The following EPB41L4A variants were observed in gnomAD, a reference collection of about 807,000 sequenced individuals.
The protein encoded by EPB41L4A is erythrocyte membrane protein band 4.1 like 4A.
EPB41L4A carries 100 observed loss-of-function variants against 108.6 expected under a neutral mutation model. The ratio of observed to expected loss-of-function variants is 0.92; its 90% CI spans 0.78 to 1.09. The LOEUF (loss-of-function observed/expected upper bound fraction) is 1.09, where lower values mean the gene tolerates loss of function less well. Ranked by LOEUF, EPB41L4A falls within the 50% of genes least tolerant of loss-of-function variation. The pLI, the probability that EPB41L4A is intolerant of heterozygous loss-of-function variation, is 0.00. For missense variants in EPB41L4A, 1,030 were observed against 842.7 expected (o/e 1.22, Z -2.75); for synonymous variants, 319 against 289.0 (o/e 1.10, Z -1.05).
At chr5:112,410,283 G>C (rs1762331402) in intron 1 of EPB41L4A, among the ~76,000 whole-genome samples, 1 of 152,122 alleles carries the variant, frequency 6.6e-6, no homozygotes, top group South Asian at 2.1e-4. Flanking sequence ...ACTTGAAAAT[G>C]ACTGCCACTC....
chr5:112,299,385 CTGAGAGAGTACT>C (rs1754210726), intron 2 of EPB41L4A, among the ~76,000 whole-genome samples: 1 of 152,078 alleles, frequency 6.6e-6, no homozygotes, highest in Non-Finnish European at 1.5e-5. Context: ...CCACTATGGT[CTGAGAGAGTACT>C]TGATATAATT....
chr5:112,229,774 G>A (rs1451731934), intron 12 of EPB41L4A, among the ~76,000 whole-genome samples: 2 of 152,018 alleles, frequency 1.3e-5, no homozygotes, highest in African/African-American at 4.8e-5. Flanking sequence ...GGATCACGAG[G>A]CCAGGAGATC....
chr5:112,381,360 C>T (rs1016414462), intron 1 of EPB41L4A, among the ~76,000 whole-genome samples: 5 of 152,264 alleles, frequency 3.3e-5, no homozygotes, highest in Non-Finnish European at 5.9e-5. Flanking sequence ...GTTTGGCATA[C>T]GTTATCTTTA....
chr5:112,319,237 C>T (rs1561567781), intron 1 of EPB41L4A, among the ~76,000 whole-genome samples: 1 of 152,074 alleles, frequency 6.6e-6, no homozygotes, highest in Non-Finnish European at 1.5e-5. Context: ...AGGACTCTCG[C>T]TAATCAAATT....
chr5:112,204,693 G>C, intron 14 of EPB41L4A: 1 of 414,620 alleles, frequency 2.4e-6, no homozygotes, highest in Non-Finnish European at 4.4e-6. Flanking sequence ...TTATTTTGCA[G>C]GAATGCCATT....
intron 1 of EPB41L4A, among the ~76,000 whole-genome samples, chr5:112,346,957 C>T (rs1019743): frequency 0.67 from 101,858 of 151,956 alleles, 34,363 homozygotes; most frequent in South Asian, 0.82. Context: ...TGGGAGTAGG[C>T]GCCCAATATT....
chr5:112,243,867 ATCT>A lies in EPB41L4A; in HGVS notation c.796-3060_796-3058del, dbSNP rs1281420419. Among the ~76,000 whole-genome samples, 5 of 152,306 alleles carry A rather than the reference ATCT, an allele frequency of 3.3e-5. No individual in the cohort carries two copies. The South Asian group carries it at 8.3e-4, about 25-fold the overall frequency. ...TTAAGGAAATGCTGCAGCTTGTTGG[ATCT>A]TCTATCCAGACCATTCGAACTTTCT... On this transcript the variant is annotated intron_variant, in intron 9 of 22. Coordinates refer to ENST00000261486, the MANE Select transcript of EPB41L4A (RefSeq NM_022140.5).
intron 12 of EPB41L4A, among the ~76,000 whole-genome samples, chr5:112,232,989 A>G (rs148705019): frequency 6.6e-6 from 1 of 152,224 alleles, no homozygotes; most frequent in Non-Finnish European, 1.5e-5. Flanking sequence ...TGAGCACTGA[A>G]CATGGATTAA....
intron 1 of EPB41L4A, among the ~76,000 whole-genome samples, chr5:112,353,386 G>A (rs1758169412): frequency 6.6e-6 from 1 of 152,206 alleles, no homozygotes; most frequent in Non-Finnish European, 1.5e-5. Flanking sequence ...GGCCCTCAGG[G>A]CACTGGGCAG....
intron 1 of EPB41L4A, among the ~76,000 whole-genome samples, chr5:112,322,823 C>T (rs1201100767): frequency 2.0e-5 from 3 of 151,818 alleles, no homozygotes; most frequent in Non-Finnish European, 4.4e-5. Flanking sequence ...AAATAGGAAC[C>T]CATCAAAGAC....
chr5:112,295,507 C>T (rs1401912173), intron 2 of EPB41L4A, among the ~76,000 whole-genome samples: 1 of 152,164 alleles, frequency 6.6e-6, no homozygotes, highest in Non-Finnish European at 1.5e-5. Flanking sequence ...TTTCCTACTG[C>T]ACTCTCCTTT....
chr5:112,394,847 C>T (rs529094605), intron 1 of EPB41L4A, among the ~76,000 whole-genome samples: 1 of 152,324 alleles, frequency 6.6e-6, no homozygotes, highest in Admixed American at 6.5e-5. Flanking sequence ...TCAAACTATA[C>T]TACAAGGCTA....
At chr5:112,185,632 A>ACTAT (rs1424880875) in intron 17 of EPB41L4A, among the ~76,000 whole-genome samples, 1 of 152,214 alleles carries the variant, frequency 6.6e-6, no homozygotes, top group Non-Finnish European at 1.5e-5. Flanking sequence ...TTAACAGGAT[A>ACTAT]CTGTCAAGGT....
Position 112,247,523 on chromosome 5 carries a change from A to T in EPB41L4A, c.796-6713T>A, listed in dbSNP as rs532148516. 7.1e-4 allele frequency among the ~76,000 whole-genome samples: 108 copies of T among 152,286 alleles called. 1 individual carries two copies. Among genetic ancestry groups the T allele is most frequent in the African/African-American group, 2.6e-3 (108 of 41,566 alleles). ...CTACTAGAAATGATGGCTGAGAATG[A>T]CTTCTCTGTGACATAGACATTTTTA... On this transcript the variant is annotated intron_variant, in intron 9 of 22. Transcript: ENST00000261486.
At chr5:112,290,030 T>C (rs1047631447) in intron 2 of EPB41L4A, among the ~76,000 whole-genome samples, 2 of 152,208 alleles carry the variant, frequency 1.3e-5, no homozygotes, top group Admixed American at 6.5e-5. Flanking sequence ...TCCCAGGTAC[T>C]GGCATAGATG....
chr5:112,278,455 T>C lies in EPB41L4A; in HGVS notation c.256+1817A>G, dbSNP rs529152321. 7.2e-5 allele frequency among the ~76,000 whole-genome samples: 11 copies of C among 152,094 alleles called. No homozygotes were observed. In the East Asian group the frequency reaches 1.2e-3, roughly 16 times the overall value. Reference sequence around the variant, plus strand: ...TTAGCAGAGACGAGGCTTCACCATGTTGGCCAGGCTGGTCTTCAACTCCTG... The same window carrying C: ...TTAGCAGAGACGAGGCTTCACCATGCTGGCCAGGCTGGTCTTCAACTCCTG... On this transcript the variant is annotated intron_variant, in intron 3 of 22. Coordinates refer to ENST00000261486, the MANE Select transcript of EPB41L4A (RefSeq NM_022140.5).
At chr5:112,382,387 G>C (rs917499182) in intron 1 of EPB41L4A, among the ~76,000 whole-genome samples, 1 of 152,140 alleles carries the variant, frequency 6.6e-6, no homozygotes, top group African/African-American at 2.4e-5. Flanking sequence ...CAGATGATAT[G>C]ACTATACCTG....
At chr5:112,309,282 T>G (rs1754893403) in intron 1 of EPB41L4A, among the ~76,000 whole-genome samples, 1 of 152,234 alleles carries the variant, frequency 6.6e-6, no homozygotes, top group South Asian at 2.1e-4. Flanking sequence ...CCCAAGATTT[T>G]GATGTATGTA....
chr5:112,352,341 C>T (rs1056916397), intron 1 of EPB41L4A, among the ~76,000 whole-genome samples: 3 of 152,098 alleles, frequency 2.0e-5, no homozygotes, highest in Admixed American at 2.0e-4. Flanking sequence ...TTTAAATTTC[C>T]TTCTTAATTT....
Sources: gnomAD v4.1 joint callset for allele counts (sites outside exome capture counted in the v4.1 genomes callset) on GRCh38, gnomAD v4.1.1 for gene constraint, MANE v1.5 for transcripts, NCBI Gene and HGNC (gene_info 2026-07-23, HGNC 2026-07-21) for gene names.